PARD3: variants seen among roughly 807,000 people sequenced by gnomAD.
The protein encoded by PARD3 is partitioning defective 3 homolog.
PARD3 carries 75 observed loss-of-function variants against 155.4 expected under a neutral mutation model. That is an observed-to-expected ratio of 0.48 (90% CI 0.40 to 0.58). PARD3 has a LOEUF of 0.58. Ranked by LOEUF, PARD3 falls within the 20% of genes least tolerant of loss-of-function variation. PARD3 has a pLI of 0.00. For synonymous variants in PARD3, 576 were observed against 610.5 expected, an observed-to-expected ratio of 0.94 and a Z score of 0.83; for missense variants, 1,642 against 1,721.7, an observed-to-expected ratio of 0.95 and a Z score of 0.82.
chr10:34,187,252 G>T (rs1369913122), intron 22 of PARD3, among the ~76,000 whole-genome samples: 1 of 152,166 alleles, frequency 6.6e-6, no homozygotes, highest in Non-Finnish European at 1.5e-5. Flanking sequence ...AGAGTACTGG[G>T]CAAGAAGTAT....
At chr10:34,770,535 T>C (rs1838722925) in intron 1 of PARD3, among the ~76,000 whole-genome samples, 1 of 152,154 alleles carries the variant, frequency 6.6e-6, no homozygotes. Context: ...AAGGGAGCCA[T>C]GGGCATTTCT....
At chr10:34,466,992 T>C (rs929797403) in intron 4 of PARD3, among the ~76,000 whole-genome samples, 8 of 152,116 alleles carry the variant, frequency 5.3e-5, no homozygotes, top group Non-Finnish European at 1.0e-4. Context: ...TCTAAAAATA[T>C]GTATGTAGAT....
intron 7 of PARD3, among the ~76,000 whole-genome samples, chr10:34,394,271 C>T (rs1242065292): frequency 5.9e-5 from 9 of 152,170 alleles, no homozygotes; most frequent in Admixed American, 5.9e-4. Flanking sequence ...GGTGATCTGC[C>T]CACCTTGGCC....
At chr10:34,352,024 A>G (rs1838139627) in intron 14 of PARD3, among the ~76,000 whole-genome samples, 1 of 152,236 alleles carries the variant, frequency 6.6e-6, no homozygotes, top group Non-Finnish European at 1.5e-5. Flanking sequence ...CTTGATGACT[A>G]AATCCCCCAA....
At chr10:34,618,788 T>C (rs892801810) in intron 2 of PARD3, among the ~76,000 whole-genome samples, 2 of 152,170 alleles carry the variant, frequency 1.3e-5, no homozygotes, top group Non-Finnish European at 2.9e-5. Context: ...AGGCACTGGC[T>C]TTTTCCAACC....
At chr10:34,679,324 G>A (rs2093768169) in intron 2 of PARD3, among the ~76,000 whole-genome samples, 1 of 152,150 alleles carries the variant, frequency 6.6e-6, no homozygotes, top group African/African-American at 2.4e-5. Flanking sequence ...ACAGGCCGGA[G>A]GTAGTTTGTC....
At chr10:34,725,761 A>T (rs2094697725) in intron 1 of PARD3, among the ~76,000 whole-genome samples, 1 of 152,228 alleles carries the variant, frequency 6.6e-6, no homozygotes. Flanking sequence ...CTCAGATGAC[A>T]CAATGTCCAG....
chr10:34,497,333 AG>A (rs2080361051), intron 3 of PARD3, among the ~76,000 whole-genome samples: 1 of 152,248 alleles, frequency 6.6e-6, no homozygotes. Context: ...ACATTGTGTT[AG>A]GCCTTATAAG....
intron 2 of PARD3, among the ~76,000 whole-genome samples, chr10:34,668,999 T>C (rs2093556666): frequency 6.6e-6 from 1 of 152,106 alleles, no homozygotes. Context: ...ACAGAACAGA[T>C]TAAAACAGGT....
chr10:34,617,386 T>C (rs552400730), intron 2 of PARD3, among the ~76,000 whole-genome samples: 2 of 152,196 alleles, frequency 1.3e-5, no homozygotes, highest in Admixed American at 1.3e-4. Flanking sequence ...TACAGCTAGA[T>C]AGGAAGAATT....
chr10:34,169,640 T>C (rs190337059), intron 22 of PARD3, among the ~76,000 whole-genome samples: 2 of 152,138 alleles, frequency 1.3e-5, no homozygotes, highest in African/African-American at 4.8e-5. Flanking sequence ...AAACACACGA[T>C]GGAACAGGTT....
intron 5 of PARD3, among the ~76,000 whole-genome samples, chr10:34,450,011 C>T (rs2076973345): frequency 6.6e-6 from 1 of 152,192 alleles, no homozygotes; most frequent in Admixed American, 6.5e-5. Flanking sequence ...AAAGTCTACT[C>T]ACTAACAGCA....
At chr10:34,764,801 C>A (rs922761734) in intron 1 of PARD3, among the ~76,000 whole-genome samples, 2 of 152,172 alleles carry the variant, frequency 1.3e-5, no homozygotes, top group African/African-American at 2.4e-5. Context: ...TCTGAACCAC[C>A]TTTTCTGAGA....
chr10:34,145,189 G>GTATA (rs575139416), intron 22 of PARD3, among the ~76,000 whole-genome samples: 44 of 49,616 alleles, frequency 8.9e-4, no homozygotes, highest in Admixed American at 1.5e-3. Context: ...GTGTGTGTGT[G>GTATA]TATATATATA....
intron 20 of PARD3, among the ~76,000 whole-genome samples, chr10:34,296,502 T>C (rs1189957213): frequency 6.6e-6 from 1 of 152,206 alleles, no homozygotes; most frequent in Non-Finnish European, 1.5e-5. Flanking sequence ...GTGCTTGGAT[T>C]AAAAGCATGA....
chr10:34,632,619 ATGCTGCTT>A (rs1392912710), intron 2 of PARD3, among the ~76,000 whole-genome samples: 1 of 152,334 alleles, frequency 6.6e-6, no homozygotes, highest in East Asian at 1.9e-4. Context: ...CAAATCAGAA[ATGCTGCTT>A]TTGAGAGAAA....
In PARD3 at chr10:34,374,462, T is replaced by C. The variant is rs560027004; in HGVS notation, c.1668+412A>G. ...CAACAGTAAGGAAGCAAGCATCTAT[T>C]TGGCTTACTGACATGTACTATGAAA... is the stretch of plus-strand genomic sequence containing the variant. On this transcript the variant is annotated intron_variant, in intron 11 of 24. Transcript: ENST00000374788. Among the ~76,000 whole-genome samples the C allele has an allele frequency of 2.0e-5, 3 of 152,316 alleles. No homozygotes were observed. In the South Asian group the frequency reaches 6.2e-4, roughly 32 times the overall value.
intron 2 of PARD3, among the ~76,000 whole-genome samples, chr10:34,614,699 T>A (rs1015112617): frequency 6.6e-6 from 1 of 152,240 alleles, no homozygotes. Context: ...AAAAATTAAG[T>A]ACATTTCCTA....
At chr10:34,800,385 G>A (rs188747242) in intron 1 of PARD3, among the ~76,000 whole-genome samples, 71 of 151,958 alleles carry the variant, frequency 4.7e-4, no homozygotes, top group Middle Eastern at 3.4e-3. Flanking sequence ...CGAGGCAGGC[G>A]AATCACCTGA....
Sources: gnomAD v4.1 joint callset for allele counts (sites outside exome capture counted in the v4.1 genomes callset) on GRCh38, gnomAD v4.1.1 for gene constraint, MANE v1.5 for transcripts, NCBI Gene and HGNC (gene_info 2026-07-23, HGNC 2026-07-21) for gene names.